CHDH: variants seen among roughly 807,000 people sequenced by gnomAD.
The protein encoded by CHDH is choline dehydrogenase, also known as choline dehydrogenase, mitochondrial.
In CHDH, 43 loss-of-function variants were observed where a neutral mutation model predicts 56.9. That is an observed-to-expected ratio of 0.76 (90% confidence interval 0.59 to 0.97). CHDH has a LOEUF of 0.97. Ranked by LOEUF, CHDH falls within the 50% of genes least tolerant of loss-of-function variation. The pLI is 0.00. For missense variants in CHDH, 816 were observed against 821.1 expected, an observed-to-expected ratio of 0.99 and a Z score of 0.08; for synonymous variants, 364 against 348.5, an observed-to-expected ratio of 1.04 and a Z score of -0.50.
chr3:53,820,414 G>A, intron 6 of CHDH, 60 bp downstream of exon 6: 1 of 1,551,780 alleles, frequency 6.4e-7, no homozygotes, highest in South Asian at 1.3e-5. Context: ...CAGCTCCTCA[G>A]GAAGGAGGTC....
chr3:53,823,791 C>T lies in CHDH; in HGVS notation c.218G>A (p.Gly73Glu). The T allele has an allele frequency of 6.3e-7, 1 of 1,576,458 alleles. No homozygotes were observed. Among genetic ancestry groups the T allele is most frequent in the Admixed American group, 1.8e-5 (1 of 55,454 alleles). ...PAERVLLLEAGPKDVLAGSKR... is the reference protein window; with the variant it reads ...PAERVLLLEAEPKDVLAGSKR... ...GCTCCCCGCGAGCACGTCCTTGGGC[C>T]CGGCCTCCAGCAGCAGCACGCGCTC... is the stretch of plus-strand genomic sequence containing the variant. The change falls in exon 3 of 9, where the codon GGG becomes GAG. Residue 73 changes from glycine (G) to glutamate (E), a missense_variant. Physicochemically the swap from Gly to Glu is moderately conservative, Grantham distance 98. Coordinates refer to ENST00000315251, the MANE Select transcript of CHDH (RefSeq NM_018397.5).
chr3:53,831,203 A>G (rs1305228022), intron 2 of CHDH, among the ~76,000 whole-genome samples: 4 of 152,238 alleles, frequency 2.6e-5, no homozygotes, highest in Non-Finnish European at 5.9e-5. Flanking sequence ...AAAAGTGGGA[A>G]GGACTGTGTC....
Position 53,823,338 on chromosome 3 carries a change from C to G in CHDH, c.671G>C (p.Gly224Ala), listed in dbSNP as rs780178827. 2.5e-6 allele frequency: 4 copies of G among 1,590,306 alleles called. No individual in the cohort carries two copies. The South Asian group carries it at 4.5e-5, about 18-fold the overall frequency. ...TEDMNGFQQE[G>A]FGWMDMTIHE... Reference sequence around the variant, plus strand: ...GATGGTCATGTCCATCCAGCCGAAGCCCTCCTGCTGGAAGCCATTCATGTC... The same window carrying G: ...GATGGTCATGTCCATCCAGCCGAAGGCCTCCTGCTGGAAGCCATTCATGTC... The change falls in exon 3 of 9, where the codon GGC (glycine) becomes GCC (alanine). Residue 224 changes from glycine (G) to alanine (A), a missense_variant. Physicochemically the swap from Gly to Ala is moderately conservative, Grantham distance 60. Transcript: ENST00000315251.
chr3:53,837,207 A>G (rs1698523769), intron 2 of CHDH, among the ~76,000 whole-genome samples: 1 of 152,184 alleles, frequency 6.6e-6, no homozygotes, highest in African/African-American at 2.4e-5. Flanking sequence ...AAGAAAAAAA[A>G]AAAAGGGCAT....
intron 2 of CHDH, among the ~76,000 whole-genome samples, chr3:53,830,054 C>T (rs1698285920): frequency 6.6e-6 from 1 of 152,128 alleles, no homozygotes; most frequent in African/African-American, 2.4e-5. Flanking sequence ...GACCTATATA[C>T]TGAAAACTAC....
chr3:53,823,532 G>C lies in CHDH; in HGVS notation c.477C>G (p.Asp159Glu), dbSNP rs944326503. 1.9e-6 allele frequency: 3 copies of C among 1,542,390 alleles called. No homozygotes were observed. The highest frequency in any genetic ancestry group is 1.2e-5 in the South Asian group (1 of 83,932). Reference protein sequence around the residue: ...RWQRQGARGWDYAHCLPYFRK... With the variant: ...RWQRQGARGWEYAHCLPYFRK... ...GGAAGTAGGGCAGGCAGTGCGCGTA[G>C]TCCCAGCCGCGGGCGCCCTGGCGCT... Residue 159 changes from aspartate to glutamate, a missense_variant, in exon 3 of 9, where the codon GAC becomes GAG. Physicochemically the swap from Asp to Glu is conservative, Grantham distance 45. Transcript: ENST00000315251.
chr3:53,832,576 A>G (rs1426339086), intron 2 of CHDH, among the ~76,000 whole-genome samples: 1 of 152,202 alleles, frequency 6.6e-6, no homozygotes, highest in Non-Finnish European at 1.5e-5. Flanking sequence ...GTGAGTAGAT[A>G]AAATGTGGTA....
rs927055095 is a variant in CHDH at position 53,846,119 on chromosome 3, C to G, written c.-167G>C. On this transcript the variant is annotated 5_prime_UTR_variant, in exon 1 of 9. Coordinates refer to ENST00000315251, the MANE Select transcript of CHDH (RefSeq NM_018397.5). ...CGGCCGAGAGCCCGACAGTCGGGAC[C>G]GGAGCGGGAGGAGCGGGTGGCCGCG... 1.3e-5 allele frequency: 2 copies of G among 152,932 alleles called. No homozygotes were observed. The highest frequency in any genetic ancestry group is 4.8e-5 in the African/African-American group (2 of 41,458). 9.5% of individuals were successfully genotyped at this position (152,932 alleles called of 1,614,324 possible).
intron 2 of CHDH, among the ~76,000 whole-genome samples, 153 bp downstream of exon 2, chr3:53,840,776 G>C (rs1698648240): frequency 6.6e-6 from 1 of 152,220 alleles, no homozygotes; most frequent in Admixed American, 6.5e-5. Context: ...AGAAAGGTGG[G>C]AACATCTCTG....
At chr3:53,831,911 A>G (rs1262507866) in intron 2 of CHDH, among the ~76,000 whole-genome samples, 5 of 151,062 alleles carry the variant, frequency 3.3e-5, no homozygotes, top group Non-Finnish European at 5.9e-5. Context: ...CCGAGATGGC[A>G]CCACTGCACT....
Position 53,823,506 on chromosome 3 carries a change from C to A in CHDH, c.503G>T (p.Arg168Leu). 1 of 1,542,156 alleles carries A rather than the reference C, an allele frequency of 6.5e-7. No homozygotes were observed. The highest frequency in any genetic ancestry group is 8.7e-7 in the Non-Finnish European group (1 of 1,145,472). Residue 168 changes from arginine (R) to leucine (L), a missense_variant, in exon 3 of 9, where the codon CGC becomes CTC. Arg to Leu is a moderately radical substitution (Grantham distance 102). Transcript: ENST00000315251. ...GCCCAGCTCGTGGCCCTGCGCCTTG[C>A]GGAAGTAGGGCAGGCAGTGCGCGTA... ...WDYAHCLPYF[R>L]KAQGHELGAS...
At chr3:53,843,549 G>A (rs1011704079) in intron 1 of CHDH, among the ~76,000 whole-genome samples, 1 of 152,144 alleles carries the variant, frequency 6.6e-6, no homozygotes, top group Admixed American at 6.5e-5. Context: ...CCTGACCTTT[G>A]CTCTGCTTGT....
At chr3:53,825,722 C>G (rs2106966450) in intron 2 of CHDH, among the ~76,000 whole-genome samples, 1 of 152,188 alleles carries the variant, frequency 6.6e-6, no homozygotes, top group African/African-American at 2.4e-5. Context: ...ACTATGGATT[C>G]AAGAAGCTTA....
At position 53,823,736 on chromosome 3, in the gene CHDH, G is replaced by T. The variant is rs774857212; in HGVS notation, c.273C>A (p.Pro91=). 1.9e-6 allele frequency: 3 copies of T among 1,554,466 alleles called. No individual in the cohort carries two copies. The South Asian group carries it at 3.5e-5, about 18-fold the overall frequency. ...SKRLSWKIHM[P]AALVANLCDD... ...CGCACAGGTTGGCCACCAGGGCCGC[G>T]GGCATGTGGATCTTCCACGAGAGCC... Residue 91 remains proline, a synonymous_variant, in exon 3 of 9, where the codon CCC becomes CCA. Coordinates refer to ENST00000315251, the MANE Select transcript of CHDH (RefSeq NM_018397.5).
chr3:53,838,056 C>CAA lies in CHDH; in HGVS notation c.-60+2871_-60+2872dup, dbSNP rs34971544. On this transcript the variant is annotated intron_variant, in intron 2 of 8. Coordinates refer to ENST00000315251, the MANE Select transcript of CHDH (RefSeq NM_018397.5). ...TGGGCGACAGAGTGAGACTCTGTCT[C>CAA]AAAAAAAAAAAAAAAAAAAAAAAAA... Among the ~76,000 whole-genome samples the CAA allele has an allele frequency of 2.1e-3, 123 of 58,814 alleles. 7 individuals carry two copies. The highest frequency in any genetic ancestry group is 7.2e-3 in the African/African-American group (104 of 14,442). The allele number at this position is 58,814 out of a possible 152,430, so 38.6% of individuals were successfully genotyped here.
chr3:53,814,351 CAA>C lies in CHDH; in HGVS notation c.*3424_*3425del, dbSNP rs569563721. ...ACTCCCTGATTAGCCCACCCCAACT[CAA>C]AATCTGACTCCAGGGATGTTTTGTT... On this transcript the variant is annotated 3_prime_UTR_variant, in exon 9 of 9. Coordinates refer to ENST00000315251, the MANE Select transcript of CHDH (RefSeq NM_018397.5). 4 of 152,230 alleles carry C rather than the reference CAA, an allele frequency of 2.6e-5. No individual in the cohort carries two copies. Among genetic ancestry groups the C allele is most frequent in the Non-Finnish European group, 5.9e-5 (4 of 68,036 alleles). 9.4% of individuals were successfully genotyped at this position (152,230 alleles called of 1,614,324 possible). A position where few individuals can be genotyped will look rare whatever the true frequency, so the allele number is the denominator to read the frequency against.
chr3:53,836,370 G>A (rs1200552694), intron 2 of CHDH, among the ~76,000 whole-genome samples: 2 of 152,186 alleles, frequency 1.3e-5, no homozygotes, highest in Admixed American at 6.5e-5. Flanking sequence ...ATCCCACTGT[G>A]AGCATCGCTC....
chr3:53,825,177 C>T (rs1356191075), intron 2 of CHDH, among the ~76,000 whole-genome samples: 1 of 152,220 alleles, frequency 6.6e-6, no homozygotes, highest in Non-Finnish European at 1.5e-5. Flanking sequence ...GCTAGGTATA[C>T]TGTTTACCTC....
chr3:53,823,294 G>C lies in CHDH; in HGVS notation c.703+12C>G, dbSNP rs2095631534. ...GGTAGTGCTTTTTTAAAAAGAGAAG[G>C]GAGACCACTACCTTCATGGATGGTC... On this transcript the variant is annotated intron_variant, in intron 3 of 8. Coordinates refer to ENST00000315251, the MANE Select transcript of CHDH (RefSeq NM_018397.5). The C allele has an allele frequency of 3.3e-6, 5 of 1,517,970 alleles. No individual in the cohort carries two copies. Among genetic ancestry groups the C allele is most frequent in the Non-Finnish European group, 4.4e-6 (5 of 1,131,688 alleles). 94.0% of individuals were successfully genotyped at this position (1,517,970 alleles called of 1,614,324 possible).
Sources: allele counts gnomAD v4.1 joint callset (sites outside exome capture counted in the v4.1 genomes callset), GRCh38; gene constraint gnomAD v4.1.1; transcripts MANE v1.5; gene names NCBI Gene and HGNC (gene_info 2026-07-23, HGNC 2026-07-21).